Variants in DST observed in about 807,000 individuals in gnomAD.
DST encodes bullous pemphigoid antigen.
A neutral mutation model predicts 875.2 loss-of-function variants in DST; 253 were observed. The ratio of observed to expected loss-of-function variants is 0.29; its 90% confidence interval spans 0.26 to 0.32. The LOEUF is 0.32. DST is among the 10% of genes least tolerant of loss of function. The pLI is 1.00. For missense variants in DST, 8,287 were observed against 9,111.6 expected (o/e 0.91, Z 3.68); for synonymous variants, 3,124 against 3,197.1 (o/e 0.98, Z 0.77).
At chr6:56,597,667 T>C (rs2152696106) in intron 47 of DST, 73 bp downstream of exon 47, 1 of 1,466,978 alleles carries the variant, frequency 6.8e-7, no homozygotes, top group Admixed American at 2.0e-5. Context: ...AAAGAACTCA[T>C]GTGCTAGGTT....
rs2098501831 is a variant in DST, at chr6:56,606,742, T to A, written c.7886A>T (p.Asp2629Val). Reference sequence around the variant, plus strand: ...GTGCAGGCAATCACGATCATCACCATCAAGAAGCAAAGAATCATGGTCATC... The same window carrying A: ...GTGCAGGCAATCACGATCATCACCAACAAGAAGCAAAGAATCATGGTCATC... The part of the protein sequence containing the change: ...EDDDHDSLLL[D>V]GDDRDCLHPE... The change falls in exon 40 of 104, where the codon GAT becomes GTT. Residue 2629 changes from aspartate to valine, a missense_variant. This residue lies in a region of DST where 3,138 missense variants were observed against 3,116.6 expected (regional missense o/e 1.01). Coordinates refer to ENST00000680361, the MANE Select transcript of DST (RefSeq NM_001374736.1). 1 of 1,613,346 alleles carries A rather than the reference T, an allele frequency of 6.2e-7. No individual in the cohort carries two copies. The highest frequency in any genetic ancestry group is 1.3e-5 in the African/African-American group (1 of 74,888).
intron 80 of DST, 112 bp from the exon 81 acceptor site, chr6:56,498,165 A>C: frequency 9.4e-7 from 1 of 1,065,152 alleles, no homozygotes; most frequent in Middle Eastern, 2.1e-4. Context: ...AAAACGTTAT[A>C]TGTGTAGAAT....
Position 56,670,879 on chromosome 6 carries a change from C to T in DST, c.1048-72G>A, listed in dbSNP as rs935776171. On this transcript the variant is annotated intron_variant, in intron 9 of 103. Transcript: ENST00000680361. Reference sequence around the variant, plus strand: ...ACTCAGATTAAGAACCTACTATGTGCCAAGCACTTTCCAAAATCTAAGATT... The same window carrying T: ...ACTCAGATTAAGAACCTACTATGTGTCAAGCACTTTCCAAAATCTAAGATT... 2.4e-5 allele frequency: 24 copies of T among 988,096 alleles called. 1 individual carries two copies. The highest frequency in any genetic ancestry group is 2.1e-4 in the South Asian group (10 of 48,156). 61.2% of individuals were successfully genotyped at this position (988,096 alleles called of 1,614,324 possible).
intron 4 of DST, among the ~76,000 whole-genome samples, chr6:56,741,333 T>G (rs1365128343): frequency 6.6e-6 from 1 of 152,228 alleles, no homozygotes; most frequent in East Asian, 1.9e-4. Flanking sequence ...CTAAAGTACA[T>G]AAGATACAAA....
At chr6:56,536,491 A>C (rs1356291319) in intron 62 of DST, among the ~76,000 whole-genome samples, 1 of 152,186 alleles carries the variant, frequency 6.6e-6, no homozygotes, top group Admixed American at 6.5e-5. Context: ...CTGTACCTTT[A>C]CAGATGCATG....
At chr6:56,915,201 C>G (rs975008599) in intron 2 of DST, among the ~76,000 whole-genome samples, 1 of 152,172 alleles carries the variant, frequency 6.6e-6, no homozygotes, top group Non-Finnish European at 1.5e-5. Context: ...TCACTAGTGA[C>G]CATGTCTACA....
At chr6:56,594,371 G>A (rs1391249670) in intron 47 of DST, among the ~76,000 whole-genome samples, 178 bp from the exon 48 acceptor site, 1 of 152,044 alleles carries the variant, frequency 6.6e-6, no homozygotes, top group Non-Finnish European at 1.5e-5. Flanking sequence ...AGAATAACAA[G>A]GCATTTTGAG....
At chr6:56,640,759 T>C (rs1380167070) in intron 17 of DST, among the ~76,000 whole-genome samples, 154 bp from the exon 18 acceptor site, 1 of 152,124 alleles carries the variant, frequency 6.6e-6, no homozygotes, top group Non-Finnish European at 1.5e-5. Context: ...AAGATGTAAA[T>C]AACAGGGGAA....
chr6:56,953,859 T>C, intron 1 of DST, 40 bp from the exon 2 acceptor site: 1 of 1,293,210 alleles, frequency 7.7e-7, no homozygotes, highest in Non-Finnish European at 1.0e-6. Context: ...ATTTAACTCC[T>C]TGTTCTTCAC....
intron 10 of DST, among the ~76,000 whole-genome samples, chr6:56,664,450 T>TAC (rs2099061790): frequency 6.6e-6 from 1 of 152,224 alleles, no homozygotes; most frequent in Non-Finnish European, 1.5e-5. Context: ...TTGTAACACC[T>TAC]ACCTCTGAGG....
At chr6:56,747,615 T>C (rs1563986646) in intron 4 of DST, among the ~76,000 whole-genome samples, 1 of 152,222 alleles carries the variant, frequency 6.6e-6, no homozygotes, top group African/African-American at 2.4e-5. Flanking sequence ...ACAGAAAGCT[T>C]CTGCAACTCT....
rs764012348 is a variant in DST, at chr6:56,618,598, T to G, written c.4930-4114A>C. 1.9e-6 allele frequency: 3 copies of G among 1,614,206 alleles called. No homozygotes were observed. In the Admixed American group the frequency reaches 5.0e-5, roughly 27 times the overall value. The stretch of plus-strand genomic sequence containing the variant: ...CCATGTGCTGCCCTTGCTGCATTTG[T>G]TCACGATACTGTTGAAGCTGTCTTT... On this transcript the variant is annotated intron_variant, in intron 36 of 103. Transcript: ENST00000680361.
At chr6:56,697,803 T>C (rs955753502) in intron 9 of DST, among the ~76,000 whole-genome samples, 1 of 152,210 alleles carries the variant, frequency 6.6e-6, no homozygotes, top group Non-Finnish European at 1.5e-5. Flanking sequence ...GTTTCAACTC[T>C]GCTAAAAGCT....
chr6:56,878,036 G>A (rs1291747818), intron 3 of DST, among the ~76,000 whole-genome samples: 1 of 151,970 alleles, frequency 6.6e-6, no homozygotes, highest in Non-Finnish European at 1.5e-5. Context: ...TAATGAATTG[G>A]AAGTTAAAAA....
chr6:56,670,595 A>G (rs1429390095), intron 10 of DST, 46 bp downstream of exon 10: 2 of 1,201,620 alleles, frequency 1.7e-6, no homozygotes, highest in Non-Finnish European at 2.2e-6. Flanking sequence ...AGATGAAAGA[A>G]ATGTGTCTTA....
chr6:56,780,272 C>A (rs1256004900), intron 4 of DST, among the ~76,000 whole-genome samples: 1 of 151,932 alleles, frequency 6.6e-6, no homozygotes, highest in Non-Finnish European at 1.5e-5. Context: ...AATGGTATTT[C>A]TAGTTCTAGA....
chr6:56,653,767 CAG>C (rs2098989035), intron 10 of DST, among the ~76,000 whole-genome samples: 1 of 152,208 alleles, frequency 6.6e-6, no homozygotes, highest in South Asian at 2.1e-4. Flanking sequence ...CATATCCTAA[CAG>C]AGTGGTGGTC....
At position 56,604,963 on chromosome 6, in the gene DST, A is replaced by G. The variant is rs751822230; in HGVS notation, c.9665T>C (p.Val3222Ala). ...AGTGGACTTCTCTTTTGTATTATTA[A>G]CTCCTAATTGTAAATGTTCTTTCAT... ...PPMKEHLQLGVNNTKEKSTST... is the reference protein window; with the variant it reads ...PPMKEHLQLGANNTKEKSTST... The change falls in exon 40 of 104, where the codon GTT becomes GCT. Residue 3222 changes from valine to alanine, a missense_variant. This residue lies in a region of DST where 3,138 missense variants were observed against 3,116.6 expected (regional missense o/e 1.01). Coordinates refer to ENST00000680361, the MANE Select transcript of DST (RefSeq NM_001374736.1). 6.2e-7 allele frequency: 1 copy of G among 1,612,434 alleles called. No homozygotes were observed. Among genetic ancestry groups the G allele is most frequent in the Non-Finnish European group, 8.5e-7 (1 of 1,179,154 alleles).
At chr6:56,844,522 A>C (rs2099804892) in intron 4 of DST, among the ~76,000 whole-genome samples, 1 of 152,192 alleles carries the variant, frequency 6.6e-6, no homozygotes, top group Non-Finnish European at 1.5e-5. Context: ...AAAGTGGGTG[A>C]GTTTAAGCGT....
Sources: allele counts gnomAD v4.1 joint callset (sites outside exome capture counted in the v4.1 genomes callset), GRCh38; gene constraint gnomAD v4.1.1; regional missense constraint gnomAD v4.1.1; transcripts MANE v1.5; gene names NCBI Gene and HGNC (gene_info 2026-07-23, HGNC 2026-07-21).